The following QTMAN variants were observed in gnomAD, a reference collection of about 807,000 sequenced individuals.
The protein encoded by QTMAN is queuosine-tRNA mannosyltransferase.
At chr2:144,207,824 A>T in the QTMAN span, among the ~76,000 whole-genome samples, 10 of 151,932 alleles carry the variant, frequency 6.6e-5, no homozygotes, top group African/African-American at 2.4e-4. Context: ...TGTGTCCCAT[A>T]AGACTCTTTT....
At chr2:144,028,931 G>C in the QTMAN span, among the ~76,000 whole-genome samples, 1 of 152,168 alleles carries the variant, frequency 6.6e-6, no homozygotes, top group Non-Finnish European at 1.5e-5. Context: ...GACTGGGAGG[G>C]GATTTGTAGG....
chr2:144,289,387 T>TC, the QTMAN span, among the ~76,000 whole-genome samples: 1 of 152,232 alleles, frequency 6.6e-6, no homozygotes, highest in Non-Finnish European at 1.5e-5. Context: ...TGGCATTATT[T>TC]CCCTATGAAA....
At chr2:144,223,055 C>T in the QTMAN span, among the ~76,000 whole-genome samples, 1 of 152,200 alleles carries the variant, frequency 6.6e-6, no homozygotes, top group East Asian at 1.9e-4. Context: ...TAAAGGGAAT[C>T]TCCAAGCTCT....
the QTMAN span, chr2:144,211,233 G>C: frequency 1.3e-5 from 2 of 152,270 alleles, no homozygotes; most frequent in African/African-American, 4.8e-5. Context: ...TAAGCATGTG[G>C]GAGGCTGAAA....
At chr2:144,164,480 T>C in the QTMAN span, among the ~76,000 whole-genome samples, 1 of 152,178 alleles carries the variant, frequency 6.6e-6, no homozygotes, top group Non-Finnish European at 1.5e-5. Flanking sequence ...ATCTGAGAAT[T>C]GTTTTATTTG....
the QTMAN span, among the ~76,000 whole-genome samples, chr2:144,089,781 A>C: frequency 6.6e-6 from 1 of 151,802 alleles, no homozygotes; most frequent in African/African-American, 2.4e-5. Flanking sequence ...AGAGTGGGGG[A>C]GAGGGGAGGA....
At chr2:143,979,670 T>C in the QTMAN span, among the ~76,000 whole-genome samples, 1 of 152,210 alleles carries the variant, frequency 6.6e-6, no homozygotes, top group Non-Finnish European at 1.5e-5. Context: ...GTCATGTAAA[T>C]TGCATTTTCA....
At chr2:143,963,220 C>G in the QTMAN span, among the ~76,000 whole-genome samples, 1 of 152,078 alleles carries the variant, frequency 6.6e-6, no homozygotes, top group African/African-American at 2.4e-5. Context: ...AAGCCTAGCC[C>G]TGGCTTGGTG....
the QTMAN span, among the ~76,000 whole-genome samples, chr2:144,199,159 T>C: frequency 6.6e-6 from 1 of 151,994 alleles, no homozygotes; most frequent in African/African-American, 2.4e-5. Flanking sequence ...ACGATTCTCC[T>C]ATCTCAGCCT....
At chr2:144,103,839 C>T in the QTMAN span, among the ~76,000 whole-genome samples, 1 of 152,142 alleles carries the variant, frequency 6.6e-6, no homozygotes, top group African/African-American at 2.4e-5. Context: ...CCTGTAATCC[C>T]AGCACTTTGG....
At chr2:143,957,454 A>G in the QTMAN span, 1 of 566,208 alleles carries the variant, frequency 1.8e-6, no homozygotes, top group Non-Finnish European at 2.8e-6. Context: ...ATTTTAACGA[A>G]CTTCTTGGAG....
the QTMAN span, among the ~76,000 whole-genome samples, chr2:144,212,781 A>G: frequency 6.6e-6 from 1 of 152,234 alleles, no homozygotes; most frequent in African/African-American, 2.4e-5. Context: ...CCCCAATGAC[A>G]CCAGATGAAT....
the QTMAN span, among the ~76,000 whole-genome samples, chr2:144,099,526 G>GT: frequency 6.6e-6 from 1 of 152,186 alleles, no homozygotes; most frequent in Admixed American, 6.5e-5. Context: ...AATGTGGGTT[G>GT]TTTTTTCCAC....
the QTMAN span, among the ~76,000 whole-genome samples, chr2:144,060,364 G>A: frequency 4.1e-4 from 62 of 152,024 alleles, no homozygotes; most frequent in African/African-American, 1.4e-3. Context: ...TGGTTCAAGC[G>A]ATTCTCCTGC....
the QTMAN span, among the ~76,000 whole-genome samples, chr2:144,216,421 A>C: frequency 6.6e-6 from 1 of 152,154 alleles, no homozygotes; most frequent in Non-Finnish European, 1.5e-5. Context: ...CTGAAGTGAA[A>C]ATCAGGGGGA....
the QTMAN span, among the ~76,000 whole-genome samples, chr2:144,236,495 C>A: frequency 6.6e-6 from 1 of 151,916 alleles, no homozygotes; most frequent in Non-Finnish European, 1.5e-5. Flanking sequence ...AGGGTCAGAA[C>A]TCACACAGTA....
chr2:144,005,804 A>G, the QTMAN span: 1 of 152,106 alleles, frequency 6.6e-6, no homozygotes, highest in Non-Finnish European at 1.5e-5. Context: ...TATTTTGTGC[A>G]AAGTATTGAA....
the QTMAN span, chr2:144,011,527 A>C: frequency 5.1e-5 from 31 of 606,710 alleles, no homozygotes; most frequent in South Asian, 1.8e-3. Context: ...ACTAACAAGC[A>C]GTTTGCTTAA....
the QTMAN span, among the ~76,000 whole-genome samples, chr2:144,115,232 AAACAACAACAAC>A: frequency 3.3e-5 from 5 of 151,008 alleles, no homozygotes; most frequent in South Asian, 2.1e-4. Flanking sequence ...CCCTGTCTAA[AAACAACAACAAC>A]AACAACAACA....
Sources: gnomAD v4.1 joint callset for allele counts (sites outside exome capture counted in the v4.1 genomes callset) on GRCh38, gnomAD v4.1.1 for gene constraint, MANE v1.5 for transcripts, NCBI Gene and HGNC (gene_info 2026-07-23, HGNC 2026-07-21) for gene names.